Variants in RORA observed in about 807,000 individuals in gnomAD.
RORA encodes the protein RAR related orphan receptor A, also known as nuclear receptor ROR-alpha.
A neutral mutation model predicts 69.5 loss-of-function variants in RORA; 7 were observed. The ratio of observed to expected loss-of-function variants is 0.10; its 90% CI spans 0.06 to 0.19. The LOEUF (loss-of-function observed/expected upper bound fraction) is 0.19, where lower values mean the gene tolerates loss of function less well. RORA is among the 10% of genes least tolerant of loss of function. The probability of loss-of-function intolerance (pLI) is 1.00; values close to 1 mark genes in which losing one functional copy is unlikely to be tolerated. For missense variants in RORA, 457 were observed against 663.0 expected (o/e 0.69, Z 3.41); for synonymous variants, 261 against 240.8 (o/e 1.08, Z -0.78).
At chr15:60,629,616 C>A (rs1164052145) in intron 2 of RORA, among the ~76,000 whole-genome samples, 2 of 152,166 alleles carry the variant, frequency 1.3e-5, no homozygotes, top group Non-Finnish European at 2.9e-5. Flanking sequence ...TGAAATGGAG[C>A]AAGAGTGAAC....
intron 1 of RORA, among the ~76,000 whole-genome samples, chr15:61,007,923 AAG>A (rs1894963309): frequency 6.6e-6 from 1 of 151,136 alleles, no homozygotes; most frequent in Non-Finnish European, 1.5e-5. Context: ...ATTAGGATAA[AAG>A]AAAAAAGATG....
intron 1 of RORA, among the ~76,000 whole-genome samples, chr15:61,225,053 G>C (rs1019366176): frequency 6.6e-6 from 1 of 152,120 alleles, no homozygotes; most frequent in African/African-American, 2.4e-5. Context: ...TTGAATTCTA[G>C]ATTAATAATT....
At chr15:60,591,371 G>T (rs1338896626) in intron 2 of RORA, among the ~76,000 whole-genome samples, 3 of 152,166 alleles carry the variant, frequency 2.0e-5, no homozygotes, top group Non-Finnish European at 2.9e-5. Context: ...AGCGAGTCTC[G>T]GTTTCTCCGG....
intron 1 of RORA, among the ~76,000 whole-genome samples, chr15:60,794,806 G>C (rs549214613): frequency 6.6e-6 from 1 of 152,318 alleles, no homozygotes; most frequent in African/African-American, 2.4e-5. Context: ...CTTGCTTTCT[G>C]TTTAGAAGGG....
intron 1 of RORA, among the ~76,000 whole-genome samples, chr15:60,743,960 G>A (rs1252557200): frequency 6.6e-6 from 1 of 152,082 alleles, no homozygotes; most frequent in Admixed American, 6.6e-5. Flanking sequence ...CATTTGGTTG[G>A]TTTCCATTGG....
chr15:60,922,918 T>G (rs991890552), intron 1 of RORA, among the ~76,000 whole-genome samples: 1 of 152,204 alleles, frequency 6.6e-6, no homozygotes, highest in Non-Finnish European at 1.5e-5. Context: ...TTGTCACACA[T>G]ATATGCAGAA....
intron 1 of RORA, among the ~76,000 whole-genome samples, chr15:60,998,135 C>T (rs895998464): frequency 6.6e-6 from 1 of 152,164 alleles, no homozygotes; most frequent in East Asian, 1.9e-4. Flanking sequence ...TTTTCTATTC[C>T]TTTTAACCAA....
chr15:60,970,800 T>C (rs1893691938), intron 1 of RORA, among the ~76,000 whole-genome samples: 1 of 152,208 alleles, frequency 6.6e-6, no homozygotes, highest in Non-Finnish European at 1.5e-5. Flanking sequence ...AGAGATTTTT[T>C]TTCCCTTTGT....
chr15:60,519,430 G>T (rs2066082695), intron 3 of RORA, among the ~76,000 whole-genome samples: 1 of 152,184 alleles, frequency 6.6e-6, no homozygotes, highest in Non-Finnish European at 1.5e-5. Context: ...ATGGGGTAAA[G>T]CCAGGATATG....
chr15:60,918,958 G>C (rs1337186630), intron 1 of RORA, among the ~76,000 whole-genome samples: 2 of 152,192 alleles, frequency 1.3e-5, no homozygotes, highest in African/African-American at 2.4e-5. Flanking sequence ...ATGACTGCCT[G>C]TCCTCTGCTC....
intron 2 of RORA, among the ~76,000 whole-genome samples, chr15:60,563,902 G>A (rs2067645963): frequency 6.6e-6 from 1 of 152,050 alleles, no homozygotes; most frequent in South Asian, 2.1e-4. Context: ...AGCAGACATG[G>A]CATTCAGTGT....
At chr15:60,592,624 T>G in intron 2 of RORA, 15 of 1,129,944 alleles carry the variant, frequency 1.3e-5, no homozygotes, top group Middle Eastern at 3.7e-4. Flanking sequence ...CTCCGCTTCC[T>G]CCCGGGGCGG....
intron 1 of RORA, among the ~76,000 whole-genome samples, chr15:61,157,273 C>T (rs1437544): frequency 0.48 from 73,639 of 152,012 alleles, 19,269 homozygotes; most frequent in Non-Finnish European, 0.59. Context: ...TAGGCAACAT[C>T]ATGAATATTG....
chr15:60,798,064 C>T (rs2072522837), intron 1 of RORA, among the ~76,000 whole-genome samples: 1 of 151,994 alleles, frequency 6.6e-6, no homozygotes, highest in South Asian at 2.1e-4. Context: ...TGAACTCTGG[C>T]ATTAAGGAGA....
intron 2 of RORA, among the ~76,000 whole-genome samples, chr15:60,549,370 C>A (rs1196726628): frequency 6.6e-6 from 1 of 152,194 alleles, no homozygotes; most frequent in Non-Finnish European, 1.5e-5. Flanking sequence ...CTCCCCCATT[C>A]ATTGCCCATG....
intron 1 of RORA, chr15:60,681,639 T>C (rs2070643659): frequency 6.6e-6 from 1 of 152,244 alleles, no homozygotes. Context: ...GCAGCAGGCA[T>C]GTGTGCCTGG....
chr15:61,006,369 T>C (rs547514896), intron 1 of RORA, among the ~76,000 whole-genome samples: 35 of 152,210 alleles, frequency 2.3e-4, no homozygotes, highest in Middle Eastern at 3.4e-3. Flanking sequence ...AGCTTCTCTT[T>C]TGAGATGTTA....
At chr15:60,775,674 C>A (rs920585342) in intron 1 of RORA, among the ~76,000 whole-genome samples, 1 of 152,228 alleles carries the variant, frequency 6.6e-6, no homozygotes, top group African/African-American at 2.4e-5. Flanking sequence ...TGGAACAGAT[C>A]TGAGCCAACA....
intron 1 of RORA, among the ~76,000 whole-genome samples, chr15:61,188,615 AG>A (rs151021924): frequency 0.037 from 5,676 of 152,302 alleles, 366 homozygotes; most frequent in African/African-American, 0.13. Context: ...AGTAACAACT[AG>A]GAAATAATCA....
Sources: gnomAD v4.1 joint callset for allele counts (sites outside exome capture counted in the v4.1 genomes callset) on GRCh38, gnomAD v4.1.1 for gene constraint, MANE v1.5 for transcripts, NCBI Gene and HGNC (gene_info 2026-07-23, HGNC 2026-07-21) for gene names.